Variants in HDAC9 observed in about 807,000 individuals in gnomAD.
HDAC9 encodes the protein MEF-2 interacting transcription repressor (MITR) protein.
In HDAC9, 41 loss-of-function variants were observed where a neutral mutation model predicts 139.4. The ratio of observed to expected loss-of-function variants is 0.29; its 90% CI spans 0.23 to 0.38. The LOEUF is 0.38. Ranked by LOEUF, HDAC9 falls within the 10% of genes least tolerant of loss-of-function variation. The pLI, the probability that HDAC9 is intolerant of heterozygous loss-of-function variation, is 1.00. For synonymous variants in HDAC9, 517 were observed against 476.2 expected (o/e 1.09, Z -1.12); for missense variants, 1,147 against 1,297.0 (o/e 0.88, Z 1.78).
At chr7:18,581,865 C>G (rs775455245) in intron 2 of HDAC9, among the ~76,000 whole-genome samples, 22 of 152,274 alleles carry the variant, frequency 1.4e-4, no homozygotes, top group Non-Finnish European at 2.6e-4. Context: ...AATTTCTTTC[C>G]TTTCACAAAT....
intron 1 of HDAC9, among the ~76,000 whole-genome samples, chr7:18,129,418 A>T (rs1307406237): frequency 6.6e-6 from 1 of 152,106 alleles, no homozygotes; most frequent in African/African-American, 2.4e-5. Flanking sequence ...GTTTTAATTA[A>T]TAAGCCTATA....
At chr7:18,911,468 CTT>C (rs757776627) in intron 22 of HDAC9, among the ~76,000 whole-genome samples, 2 of 151,584 alleles carry the variant, frequency 1.3e-5, no homozygotes, top group Admixed American at 6.6e-5. Context: ...TTTTTAAAAA[CTT>C]TTCATTTTGT....
intron 1 of HDAC9, chr7:18,395,100 T>A (rs950044384): frequency 1.3e-5 from 2 of 152,130 alleles, no homozygotes; most frequent in African/African-American, 4.8e-5. Flanking sequence ...ACTGTTTGAC[T>A]TTCTACCAAA....
intron 11 of HDAC9, among the ~76,000 whole-genome samples, chr7:18,663,665 A>C (rs1032506958): frequency 3.9e-5 from 6 of 152,108 alleles, no homozygotes; most frequent in African/African-American, 1.4e-4. Flanking sequence ...TTGGTCCACT[A>C]GCTCTACTGA....
intron 2 of HDAC9, among the ~76,000 whole-genome samples, chr7:18,544,764 A>G (rs1382894945): frequency 2.0e-5 from 3 of 152,194 alleles, no homozygotes; most frequent in Non-Finnish European, 4.4e-5. Flanking sequence ...TAGGTCAAAT[A>G]CATAAAGAAT....
chr7:18,354,900 C>T (rs1173622200), intron 1 of HDAC9, among the ~76,000 whole-genome samples: 1 of 152,140 alleles, frequency 6.6e-6, no homozygotes, highest in Non-Finnish European at 1.5e-5. Flanking sequence ...CCAGTGTTTG[C>T]ATTCTTCCTG....
chr7:18,113,387 C>T (rs1169532353), intron 1 of HDAC9, among the ~76,000 whole-genome samples: 1 of 152,136 alleles, frequency 6.6e-6, no homozygotes, highest in East Asian at 1.9e-4. Flanking sequence ...TTTGAAGGCG[C>T]CTCATTGCAT....
intron 22 of HDAC9, among the ~76,000 whole-genome samples, chr7:18,929,524 A>G (rs908854690): frequency 2.6e-5 from 4 of 152,210 alleles, no homozygotes; most frequent in Non-Finnish European, 5.9e-5. Flanking sequence ...CTGATAGACA[A>G]TTTTTAAAAC....
At chr7:18,834,731 T>G (rs899446545) in intron 19 of HDAC9, among the ~76,000 whole-genome samples, 1 of 152,188 alleles carries the variant, frequency 6.6e-6, no homozygotes, top group Admixed American at 6.6e-5. Context: ...TCGACTCTTG[T>G]GTTACCGTTT....
chr7:18,148,080 T>C (rs1786481883), intron 1 of HDAC9, among the ~76,000 whole-genome samples: 1 of 152,214 alleles, frequency 6.6e-6, no homozygotes, highest in Admixed American at 6.5e-5. Flanking sequence ...AAGAAGATGT[T>C]GGGGAATTTC....
At chr7:18,935,156 A>G (rs1474976988) in intron 22 of HDAC9, among the ~76,000 whole-genome samples, 1 of 152,202 alleles carries the variant, frequency 6.6e-6, no homozygotes, top group Non-Finnish European at 1.5e-5. Context: ...TGTCAGAGAA[A>G]GGCACATGGG....
intron 1 of HDAC9, among the ~76,000 whole-genome samples, chr7:18,407,132 G>T (rs1190339455): frequency 6.6e-6 from 1 of 152,074 alleles, no homozygotes; most frequent in Non-Finnish European, 1.5e-5. Context: ...TCTAAGGTCT[G>T]GTCCTTTTTT....
chr7:18,721,826 C>T (rs750307169), intron 12 of HDAC9, among the ~76,000 whole-genome samples: 1 of 152,126 alleles, frequency 6.6e-6, no homozygotes, highest in African/African-American at 2.4e-5. Context: ...CTTAGCACTT[C>T]GTAGTCTCCA....
intron 1 of HDAC9, among the ~76,000 whole-genome samples, chr7:18,110,541 A>G (rs1424124805): frequency 6.6e-6 from 1 of 152,144 alleles, no homozygotes; most frequent in Non-Finnish European, 1.5e-5. Context: ...TGTAGACTCC[A>G]CATGGGAATA....
At chr7:18,286,568 T>C (rs1797467445), upstream of HDAC9, among the ~76,000 whole-genome samples, 1 of 151,742 alleles carries the variant, frequency 6.6e-6, no homozygotes, top group Non-Finnish European at 1.5e-5. Flanking sequence ...ATTTCTAATT[T>C]GGGGGAAAAT....
At chr7:18,863,350 GGGCCCAGGACGGCTTTGAACGT>G (rs1798252486) in intron 21 of HDAC9, among the ~76,000 whole-genome samples, 1 of 152,162 alleles carries the variant, frequency 6.6e-6, no homozygotes, top group African/African-American at 2.4e-5. Context: ...GGGCCACATG[GGGCCCAGGACGGCTTTGAACGT>G]GGCCCAGGAT....
chr7:18,626,507 T>A (rs760737586), intron 6 of HDAC9, among the ~76,000 whole-genome samples: 10 of 152,176 alleles, frequency 6.6e-5, no homozygotes, highest in Non-Finnish European at 1.3e-4. Flanking sequence ...TTTAATGATA[T>A]AAAGTAATTC....
intron 12 of HDAC9, among the ~76,000 whole-genome samples, chr7:18,684,786 A>G (rs917093622): frequency 6.6e-6 from 1 of 151,970 alleles, no homozygotes; most frequent in African/African-American, 2.4e-5. Context: ...TTATATGTAT[A>G]TGTATATTTA....
intron 1 of HDAC9, among the ~76,000 whole-genome samples, chr7:18,441,363 CT>C (rs1295704246): frequency 1.3e-5 from 2 of 152,014 alleles, no homozygotes; most frequent in Admixed American, 6.6e-5. Flanking sequence ...TACCTTTTAT[CT>C]TTTTTGAATT....
Sources: gnomAD v4.1 joint callset for allele counts (sites outside exome capture counted in the v4.1 genomes callset) on GRCh38, gnomAD v4.1.1 for gene constraint, MANE v1.5 for transcripts, NCBI Gene and HGNC (gene_info 2026-07-23, HGNC 2026-07-21) for gene names.